Variants in S1PR2 observed in about 807,000 individuals in gnomAD.
The protein encoded by S1PR2 is sphingosine-1-phosphate receptor 2, also known as sphingosine 1-phosphate receptor 2.
Under a neutral mutation model 16.1 loss-of-function variants are expected in S1PR2, and 9 were observed. That is an observed-to-expected ratio of 0.56 (90% confidence interval 0.34 to 0.98). S1PR2 has a LOEUF of 0.98. S1PR2 is among the 50% of genes least tolerant of loss of function. The pLI is 0.02. For missense variants in S1PR2, 361 were observed against 488.4 expected (o/e 0.74, Z 2.46); for synonymous variants, 224 against 233.9 (o/e 0.96, Z 0.38).
chr19:10,225,620 G>A (rs1044578896), intron 1 of S1PR2, among the ~76,000 whole-genome samples: 3 of 151,462 alleles, frequency 2.0e-5, no homozygotes, highest in Non-Finnish European at 4.4e-5. Flanking sequence ...GCATGGTCTC[G>A]AACTTCTGAC....
chr19:10,223,511 C>A lies in S1PR2; in HGVS notation c.*333G>T. On this transcript the variant is annotated 3_prime_UTR_variant, in exon 2 of 2. Coordinates refer to ENST00000646641, the MANE Select transcript of S1PR2 (RefSeq NM_004230.4). Reference sequence around the variant, plus strand: ...AAAAAAAAAAAAAAATCCTTTGTACCAGGTGGTAAAGTGCTCCTGCCCTGA... The same window carrying A: ...AAAAAAAAAAAAAAATCCTTTGTACAAGGTGGTAAAGTGCTCCTGCCCTGA... The A allele has an allele frequency of 3.3e-6, 1 of 307,494 alleles. No individual in the cohort carries two copies. Among genetic ancestry groups the A allele is most frequent in the Non-Finnish European group, 6.0e-6 (1 of 166,752 alleles). The allele number at this position is 307,494 out of a possible 1,614,324, so 19.0% of individuals were successfully genotyped here.
At chr19:10,230,977 C>A (rs1599239227) in intron 1 of S1PR2, among the ~76,000 whole-genome samples, 1 of 152,374 alleles carries the variant, frequency 6.6e-6, no homozygotes, top group East Asian at 1.9e-4. Context: ...CGCCAACTTC[C>A]TGCCGCTGAG....
chr19:10,230,413 A>T (rs2039665293), intron 1 of S1PR2: 1 of 154,698 alleles, frequency 6.5e-6, no homozygotes, highest in Admixed American at 6.5e-5. Context: ...CAGCAGCTGC[A>T]CCGCGAGTTC....
chr19:10,228,595 C>T (rs1405965774), intron 1 of S1PR2, among the ~76,000 whole-genome samples: 1 of 152,196 alleles, frequency 6.6e-6, no homozygotes, highest in Non-Finnish European at 1.5e-5. Context: ...AAGCAGGGCA[C>T]TGAGGTTGGA....
chr19:10,228,587 G>A (rs1167091900), intron 1 of S1PR2, among the ~76,000 whole-genome samples: 1 of 152,194 alleles, frequency 6.6e-6, no homozygotes, highest in Non-Finnish European at 1.5e-5. Context: ...GAAAGAGGAA[G>A]CAGGGCACTG....
chr19:10,227,767 C>G (rs1248495817), intron 1 of S1PR2, among the ~76,000 whole-genome samples: 1 of 152,128 alleles, frequency 6.6e-6, no homozygotes, highest in African/African-American at 2.4e-5. Context: ...GACGGGAGCT[C>G]AGGCTTTCTG....
intron 1 of S1PR2, among the ~76,000 whole-genome samples, chr19:10,226,989 C>T (rs1010116865): frequency 6.6e-6 from 1 of 151,386 alleles, no homozygotes; most frequent in Non-Finnish European, 1.5e-5. Context: ...CCTCCCATCC[C>T]CCCCCATCGC....
At position 10,225,185 on chromosome 19, in the gene S1PR2, C is replaced by A. The variant is rs571699445; in HGVS notation, c.-42-238G>T. Reference sequence around the variant, plus strand: ...AGGGCCAGAGAGACTGGCTCTGCGGCCTCTATAAGCCCTAGGCTACGCTCT... The same window carrying A: ...AGGGCCAGAGAGACTGGCTCTGCGGACTCTATAAGCCCTAGGCTACGCTCT... On this transcript the variant is annotated intron_variant, in intron 1 of 1. Coordinates refer to ENST00000646641, the MANE Select transcript of S1PR2 (RefSeq NM_004230.4). 4.6e-5 allele frequency among the ~76,000 whole-genome samples: 7 copies of A among 152,156 alleles called. No homozygotes were observed. In the East Asian group the frequency reaches 9.7e-4, roughly 21 times the overall value.
rs530558605 is a variant in S1PR2 at position 10,228,716 on chromosome 19, T to G, written c.-43+2488A>C. ...ACACAGAGCCTGTCTCCCGGTCACC[T>G]TCACCAAGTCTGCCCTGACTCCCTC... On this transcript the variant is annotated intron_variant, in intron 1 of 1. Coordinates refer to ENST00000646641, the MANE Select transcript of S1PR2 (RefSeq NM_004230.4). Among the ~76,000 whole-genome samples, 15 of 152,286 alleles carry G rather than the reference T, an allele frequency of 9.8e-5. No homozygotes were observed. The South Asian group carries it at 1.0e-3, about 11-fold the overall frequency.
At chr19:10,227,117 T>G (rs2145443306) in intron 1 of S1PR2, among the ~76,000 whole-genome samples, 1 of 151,736 alleles carries the variant, frequency 6.6e-6, no homozygotes, top group South Asian at 2.1e-4. Context: ...GGTTAGGGGT[T>G]GTCAGAGGCG....
At chr19:10,230,988 A>G (rs2039673389) in intron 1 of S1PR2, among the ~76,000 whole-genome samples, 1 of 152,132 alleles carries the variant, frequency 6.6e-6, no homozygotes, top group Admixed American at 6.5e-5. Context: ...TGCCGCTGAG[A>G]AAGGCGGGGA....
intron 1 of S1PR2, among the ~76,000 whole-genome samples, chr19:10,229,804 G>A (rs996820273): frequency 1.3e-5 from 2 of 152,040 alleles, no homozygotes; most frequent in South Asian, 2.1e-4. Context: ...ACAGAATCTC[G>A]TTTTATTATC....
At chr19:10,229,762 C>G (rs2039658165) in intron 1 of S1PR2, among the ~76,000 whole-genome samples, 1 of 150,644 alleles carries the variant, frequency 6.6e-6, no homozygotes, top group South Asian at 2.1e-4. Flanking sequence ...CCCCAGTCTA[C>G]AATAGCAGCC....
intron 1 of S1PR2, among the ~76,000 whole-genome samples, chr19:10,230,212 C>G (rs550766150): frequency 7.9e-5 from 12 of 152,324 alleles, no homozygotes; most frequent in Middle Eastern, 6.8e-3. Context: ...GCCTCCTTAT[C>G]TGGTTTAGGA....
intron 1 of S1PR2, among the ~76,000 whole-genome samples, chr19:10,229,850 T>C (rs2039658917): frequency 6.6e-6 from 1 of 152,198 alleles, no homozygotes; most frequent in Non-Finnish European, 1.5e-5. Flanking sequence ...ACTATCATGA[T>C]ATCTTTCCTT....
At chr19:10,225,848 A>G (rs572026981) in intron 1 of S1PR2, among the ~76,000 whole-genome samples, 1 of 150,448 alleles carries the variant, frequency 6.6e-6, no homozygotes, top group Non-Finnish European at 1.5e-5. Context: ...TTTAATTTTC[A>G]TTATTATTTT....
At chr19:10,230,907 A>C (rs537448322) in intron 1 of S1PR2, among the ~76,000 whole-genome samples, 1 of 151,628 alleles carries the variant, frequency 6.6e-6, no homozygotes, top group East Asian at 2.0e-4. Flanking sequence ...GTCCCCGAGC[A>C]CGGCGTCCTG....
intron 1 of S1PR2, 116 bp from the exon 2 acceptor site, chr19:10,225,063 G>C (rs921603071): frequency 1.6e-6 from 1 of 609,088 alleles, no homozygotes; most frequent in Non-Finnish European, 2.9e-6. Context: ...TTCGAGGAAG[G>C]GCCACATGAA....
At chr19:10,229,869 G>A (rs544790989) in intron 1 of S1PR2, among the ~76,000 whole-genome samples, 1 of 152,232 alleles carries the variant, frequency 6.6e-6, no homozygotes, top group African/African-American at 2.4e-5. Context: ...TTTTCTGTCT[G>A]GCTTCCACCT....
Sources: allele counts gnomAD v4.1 joint callset (sites outside exome capture counted in the v4.1 genomes callset), GRCh38; gene constraint gnomAD v4.1.1; transcripts MANE v1.5; gene names NCBI Gene and HGNC (gene_info 2026-07-23, HGNC 2026-07-21).